Variants in CYP4B1 observed in about 807,000 individuals in gnomAD.
The protein encoded by CYP4B1 is cytochrome P450 family 4 subfamily B member 1, also known as cytochrome P450 4B1.
A neutral mutation model predicts 54.0 loss-of-function variants in CYP4B1; 45 were observed. The observed-to-expected ratio is 0.83, with a 90% CI of 0.66 to 1.07. The LOEUF (loss-of-function observed/expected upper bound fraction) is 1.07. Among genes scored for constraint, CYP4B1 ranks in the 50% least tolerant of loss-of-function variants. The probability of loss-of-function intolerance (pLI) is 0.00; values close to 1 mark genes in which losing one functional copy is unlikely to be tolerated. For missense variants in CYP4B1, 656 were observed against 655.4 expected (o/e 1.00, Z -0.01); for synonymous variants, 248 against 247.5 (o/e 1.00, Z -0.02).
chr1:46,813,485 A>G lies in CYP4B1; in HGVS notation c.499A>G (p.Lys167Glu). ...FTESTRIMLD[K>E]WEEKAREGKS... ...GCCTCCTATCCCTGGACTCCAGGAC[A>G]AGTGGGAAGAGAAAGCTCGGGAGGG... Residue 167 changes from lysine to glutamate, a missense_variant, in exon 5 of 12, where the codon AAG (lysine) becomes GAG (glutamate). Coordinates refer to ENST00000371923, the MANE Select transcript of CYP4B1 (RefSeq NM_001099772.2). 1 of 1,614,150 alleles carries G rather than the reference A, an allele frequency of 6.2e-7. No homozygotes were observed. Among genetic ancestry groups the G allele is most frequent in the Middle Eastern group, 1.7e-4 (1 of 6,060 alleles).
chr1:46,800,511 G>A (rs1188788910), intron 1 of CYP4B1, among the ~76,000 whole-genome samples: 1 of 151,672 alleles, frequency 6.6e-6, no homozygotes, highest in Non-Finnish European at 1.5e-5. Context: ...TTGCATTTTT[G>A]TAGAGATGGG....
chr1:46,806,572 G>T (rs550656647), intron 1 of CYP4B1, among the ~76,000 whole-genome samples: 22 of 152,144 alleles, frequency 1.4e-4, no homozygotes, highest in Non-Finnish European at 2.8e-4. Context: ...GAGAGGTCAG[G>T]GTTCCACTAG....
At chr1:46,810,081 C>T (rs1409558388) in intron 1 of CYP4B1, among the ~76,000 whole-genome samples, 1 of 152,168 alleles carries the variant, frequency 6.6e-6, no homozygotes, top group Non-Finnish European at 1.5e-5. Context: ...CGCGTTTGTG[C>T]TTTCTGTTTT....
chr1:46,815,380 C>A (rs1209158483), intron 8 of CYP4B1, 116 bp downstream of exon 8: 5 of 970,904 alleles, frequency 5.1e-6, no homozygotes, highest in East Asian at 2.9e-5. Context: ...CCTGTTACCC[C>A]CAGTGTCATA....
At chr1:46,809,758 G>A (rs1191037449) in intron 1 of CYP4B1, among the ~76,000 whole-genome samples, 8 of 152,124 alleles carry the variant, frequency 5.3e-5, no homozygotes, top group South Asian at 2.1e-4. Context: ...CCACTAAATG[G>A]GGAAAAATAG....
Position 46,814,061 on chromosome 1 carries a change from C to T in CYP4B1, c.773C>T (p.Thr258Ile). The change falls in exon 6 of 12, where the codon ACA (threonine) becomes ATA (isoleucine). Residue 258 changes from threonine (T) to isoleucine (I), a missense_variant and splice_region_variant. Thr to Ile is a moderately conservative substitution (Grantham distance 89, BLOSUM62 -1). Coordinates refer to ENST00000371923, the MANE Select transcript of CYP4B1 (RefSeq NM_001099772.2). Reference protein sequence around the residue: ...LRACQVAHDHTDQVIRERKAA... With the variant: ...LRACQVAHDHIDQVIRERKAA... ...GCCTGCCAGGTGGCCCATGACCATACAGGTGGGCCTTTCCCACAAGGCTCA... is the reference window on the plus strand; with the variant it reads ...GCCTGCCAGGTGGCCCATGACCATATAGGTGGGCCTTTCCCACAAGGCTCA... 1 of 1,613,936 alleles carries T rather than the reference C, an allele frequency of 6.2e-7. No homozygotes were observed.
chr1:46,812,363 G>A, intron 3 of CYP4B1, 133 bp from the exon 4 acceptor site: 1 of 992,002 alleles, frequency 1.0e-6, no homozygotes, highest in Non-Finnish European at 1.5e-6. Context: ...GGGCATGGAG[G>A]GCAATACTGG....
chr1:46,814,528 A>G (rs1224864219), intron 7 of CYP4B1, among the ~76,000 whole-genome samples: 1 of 152,178 alleles, frequency 6.6e-6, no homozygotes, highest in South Asian at 2.1e-4. Context: ...AGCCTAGGTC[A>G]CGTGGTAGTG....
Position 46,805,075 on chromosome 1 carries a change from C to T in CYP4B1, c.181-5733C>T, listed in dbSNP as rs1012869737. ...AACCAGAAACTAGCACTGTCCCTGG[C>T]ACAATGCCCATGTGTTGGAAGAGTG... is the stretch of plus-strand genomic sequence containing the variant. On this transcript the variant is annotated intron_variant, in intron 1 of 11. Transcript: ENST00000371923. Among the ~76,000 whole-genome samples the T allele has an allele frequency of 1.9e-4, 29 of 152,220 alleles. 1 individual carries two copies. Among genetic ancestry groups the T allele is most frequent in the Non-Finnish European group, 5.9e-5 (4 of 68,032 alleles).
At chr1:46,803,236 G>A (rs1455737507) in intron 1 of CYP4B1, among the ~76,000 whole-genome samples, 1 of 152,212 alleles carries the variant, frequency 6.6e-6, no homozygotes, top group Non-Finnish European at 1.5e-5. Context: ...TTGACAGAGG[G>A]CAAATAGGAG....
chr1:46,816,607 T>TACACACACACACACACA (rs1316400691), intron 8 of CYP4B1, among the ~76,000 whole-genome samples: 2 of 112,714 alleles, frequency 1.8e-5, no homozygotes, highest in Non-Finnish European at 3.7e-5. Context: ...CACACACACT[T>TACACACACACACACACA]CACCTCATTA....
At chr1:46,803,864 G>A (rs1327732810) in intron 1 of CYP4B1, among the ~76,000 whole-genome samples, 2 of 152,162 alleles carry the variant, frequency 1.3e-5, no homozygotes, top group East Asian at 1.9e-4. Context: ...GTTTTTGGGT[G>A]GGTGATGGTA....
Position 46,810,844 on chromosome 1 carries a change from T to C in CYP4B1, c.217T>C (p.Trp73Arg). 6.2e-7 allele frequency: 1 copy of C among 1,614,160 alleles called. No homozygotes were observed. Among genetic ancestry groups the C allele is most frequent in the Non-Finnish European group, 8.5e-7 (1 of 1,180,002 alleles). The change falls in exon 2 of 12, where the codon TGG becomes CGG. Residue 73 changes from tryptophan to arginine, a missense_variant. Coordinates refer to ENST00000371923, the MANE Select transcript of CYP4B1 (RefSeq NM_001099772.2). ...ETGSLDKVVS[W>R]AHQFPYAHPL... ...GGGGAGCCTGGACAAAGTGGTGTCCTGGGCCCACCAGTTCCCGTATGCCCA... is the reference window on the plus strand; with the variant it reads ...GGGGAGCCTGGACAAAGTGGTGTCCCGGGCCCACCAGTTCCCGTATGCCCA...
rs753657629 is a variant in CYP4B1 at position 46,818,040 on chromosome 1, C to T, written c.1272+11C>T. On this transcript the variant is annotated intron_variant, in intron 10 of 11. Coordinates refer to ENST00000371923, the MANE Select transcript of CYP4B1 (RefSeq NM_001099772.2). The stretch of plus-strand genomic sequence containing the variant: ...TGGCCCGACCCTGAGGTACCCTTTC[C>T]CTGGGCTGGGAGATCAGACAGGGTG... 7.4e-6 allele frequency: 12 copies of T among 1,614,112 alleles called. No individual in the cohort carries two copies. Among genetic ancestry groups the T allele is most frequent in the Non-Finnish European group, 1.0e-5 (12 of 1,179,946 alleles).
In CYP4B1 at chr1:46,814,227, G is replaced by T; in HGVS notation, c.794G>T (p.Arg265Leu). The T allele has an allele frequency of 6.2e-7, 1 of 1,614,120 alleles. No homozygotes were observed. Among genetic ancestry groups the T allele is most frequent in the East Asian group, 2.2e-5 (1 of 44,868 alleles). The change falls in exon 7 of 12, where the codon CGG becomes CTG. Residue 265 changes from arginine (R) to leucine (L), a missense_variant. Physicochemically the swap from Arg to Leu is moderately radical, Grantham distance 102. Coordinates refer to ENST00000371923, the MANE Select transcript of CYP4B1 (RefSeq NM_001099772.2). ...HDHTDQVIRE[R>L]KAALQDEKVR... ...GGTTCAGACCAGGTCATCAGGGAGC[G>T]GAAGGCAGCCCTGCAGGATGAGAAG...
At chr1:46,807,637 C>G (rs879582402) in intron 1 of CYP4B1, among the ~76,000 whole-genome samples, 1 of 152,186 alleles carries the variant, frequency 6.6e-6, no homozygotes, top group African/African-American at 2.4e-5. Context: ...TTTTTGACAT[C>G]GTGTACTCAA....
chr1:46,810,042 G>A (rs1010181372), intron 1 of CYP4B1, among the ~76,000 whole-genome samples: 3 of 152,142 alleles, frequency 2.0e-5, no homozygotes, highest in Admixed American at 1.3e-4. Context: ...GGCAGCTCCT[G>A]GAAGACACCA....
chr1:46,811,034 G>T (rs1679078458), intron 2 of CYP4B1, 85 bp downstream of exon 2: 1 of 1,601,644 alleles, frequency 6.2e-7, no homozygotes, highest in South Asian at 1.1e-5. Flanking sequence ...GAGGAAGCCT[G>T]GGCCTGTGTA....
intron 1 of CYP4B1, among the ~76,000 whole-genome samples, chr1:46,807,339 A>G (rs1403115181): frequency 2.0e-5 from 3 of 152,314 alleles, no homozygotes; most frequent in Non-Finnish European, 4.4e-5. Context: ...GAACCAGATC[A>G]GCCAAAGGCT....
Sources: gnomAD v4.1 joint callset for allele counts (sites outside exome capture counted in the v4.1 genomes callset) on GRCh38, gnomAD v4.1.1 for gene constraint, MANE v1.5 for transcripts, NCBI Gene and HGNC (gene_info 2026-07-23, HGNC 2026-07-21) for gene names.